Variants in VPS13B observed in about 807,000 individuals in gnomAD.
VPS13B encodes intermembrane lipid transfer protein VPS13B.
Under a neutral mutation model 426.4 loss-of-function variants are expected in VPS13B, and 285 were observed. The ratio of observed to expected loss-of-function variants is 0.67; its 90% CI spans 0.61 to 0.74. The LOEUF (loss-of-function observed/expected upper bound fraction) is 0.74. VPS13B is among the 30% of genes least tolerant of loss of function. The pLI is 0.00. For synonymous variants in VPS13B, 1,676 were observed against 1,676.4 expected, an observed-to-expected ratio of 1.00 and a Z score of 0.01; for missense variants, 4,537 against 4,782.6, an observed-to-expected ratio of 0.95 and a Z score of 1.51.
intron 19 of VPS13B, among the ~76,000 whole-genome samples, chr8:99,292,058 A>T (rs1304708812): frequency 6.6e-6 from 1 of 152,146 alleles, no homozygotes; most frequent in Non-Finnish European, 1.5e-5. Flanking sequence ...ACAAATTTTT[A>T]AAATTTGGAT....
At chr8:99,029,107 G>C (rs548616437) in intron 2 of VPS13B, among the ~76,000 whole-genome samples, 1 of 150,410 alleles carries the variant, frequency 6.6e-6, no homozygotes, top group African/African-American at 2.4e-5. Context: ...ACAGGGTTGC[G>C]GCCGGGCAGA....
chr8:99,835,557 T>G lies in VPS13B; in HGVS notation c.9761T>G (p.Val3254Gly). ...ENIKDIPKFE[V>G]YCKKIPSECS... ...ATTTCAGATATTCCAAAGTTTGAGG[T>G]TTATTGCAAAAAAATTCCCTCCGAG... is the stretch of plus-strand genomic sequence containing the variant. Residue 3254 changes from valine to glycine, a missense_variant, in exon 54 of 62, where the codon GTT becomes GGT. Val to Gly is a moderately radical substitution (Grantham distance 109). Around this residue, in one of 2 missense-constraint regions of VPS13B, gnomAD observed 4,311 missense variants for 4,474.3 expected, o/e 0.96. Coordinates refer to ENST00000357162, the MANE Select transcript of VPS13B (RefSeq NM_152564.5). 6.2e-7 allele frequency: 1 copy of G among 1,614,118 alleles called. No individual in the cohort carries two copies. The highest frequency in any genetic ancestry group is 2.2e-5 in the East Asian group (1 of 44,882).
chr8:99,198,788 A>C (rs962588935), intron 17 of VPS13B, among the ~76,000 whole-genome samples: 1 of 152,110 alleles, frequency 6.6e-6, no homozygotes, highest in African/African-American at 2.4e-5. Flanking sequence ...AGAAACCATC[A>C]GCTAAGACAG....
chr8:99,821,103 AACACACACACACACACACACAC>A (rs755074579), intron 49 of VPS13B, among the ~76,000 whole-genome samples, 169 bp from the exon 50 acceptor site: 61 of 78,358 alleles, frequency 7.8e-4, no homozygotes, highest in South Asian at 2.2e-3. Flanking sequence ...GTCATTACAA[AACACACACACACACACACACAC>A]ACACACACAC....
At chr8:99,850,380 C>A (rs1012192149) in intron 55 of VPS13B, among the ~76,000 whole-genome samples, 2 of 148,456 alleles carry the variant, frequency 1.3e-5, no homozygotes, top group Admixed American at 1.3e-4. Flanking sequence ...TGTACTTATA[C>A]ATACATACAT....
At chr8:99,108,425 C>G (rs1162902243) in intron 5 of VPS13B, among the ~76,000 whole-genome samples, 1 of 152,092 alleles carries the variant, frequency 6.6e-6, no homozygotes, top group African/African-American at 2.4e-5. Context: ...ACATTTAAGT[C>G]TTTAATCTAT....
intron 33 of VPS13B, among the ~76,000 whole-genome samples, chr8:99,590,551 G>C (rs550706513): frequency 2.5e-4 from 38 of 152,260 alleles, no homozygotes; most frequent in Admixed American, 2.2e-3. Context: ...GTTCTCATTG[G>C]TTTCAAAGAA....
chr8:99,262,646 C>T (rs1818104367), intron 17 of VPS13B, among the ~76,000 whole-genome samples: 1 of 152,120 alleles, frequency 6.6e-6, no homozygotes, highest in Non-Finnish European at 1.5e-5. Flanking sequence ...CTCTTTAATG[C>T]ATCTTTTAAA....
chr8:99,468,470 A>T (rs903075736), intron 24 of VPS13B, among the ~76,000 whole-genome samples: 2 of 151,732 alleles, frequency 1.3e-5, no homozygotes, highest in Non-Finnish European at 2.9e-5. Flanking sequence ...ATTAAAAAAA[A>T]TTTAAATATT....
At chr8:99,562,125 A>G (rs979023200) in intron 31 of VPS13B, among the ~76,000 whole-genome samples, 3 of 152,128 alleles carry the variant, frequency 2.0e-5, no homozygotes, top group African/African-American at 7.2e-5. Context: ...TTGGTAAGCT[A>G]ACACATCATC....
chr8:99,602,224 A>C (rs1240403909), intron 33 of VPS13B, among the ~76,000 whole-genome samples: 2 of 152,202 alleles, frequency 1.3e-5, no homozygotes, highest in Admixed American at 1.3e-4. Flanking sequence ...GTGGCTAGCC[A>C]GTTTTCCCAA....
rs117043783 is a variant in VPS13B, at chr8:99,661,582, G to A, written c.6046+91G>A. Reference sequence around the variant, plus strand: ...GATCTGTTAGTAATCTTGACATTCCGTGCAAAAAATGAATAGTTCATTTTT... The same window carrying A: ...GATCTGTTAGTAATCTTGACATTCCATGCAAAAAATGAATAGTTCATTTTT... On this transcript the variant is annotated intron_variant, in intron 35 of 61. Transcript: ENST00000357162. The A allele has an allele frequency of 4.6e-4, 689 of 1,491,462 alleles. 1 individual carries two copies. The highest frequency in any genetic ancestry group is 2.9e-3 in the East Asian group (124 of 42,260). 92.4% of individuals were successfully genotyped at this position (1,491,462 alleles called of 1,614,324 possible).
In VPS13B at chr8:99,614,963, C is replaced by T. The variant is rs568314388; in HGVS notation, c.5221-26848C>T. Among the ~76,000 whole-genome samples, 4 of 151,752 alleles carry T rather than the reference C, an allele frequency of 2.6e-5. No homozygotes were observed. The East Asian group carries it at 5.9e-4, about 22-fold the overall frequency. On this transcript the variant is annotated intron_variant, in intron 33 of 61. Transcript: ENST00000357162. ...AGAAACCCCGTCTCTACTAAAAATACACAATTAGCCAGGCGTGGCGGCACA... is the reference window on the plus strand; with the variant it reads ...AGAAACCCCGTCTCTACTAAAAATATACAATTAGCCAGGCGTGGCGGCACA...
chr8:99,206,497 C>T (rs1003826566), intron 17 of VPS13B, among the ~76,000 whole-genome samples: 1 of 152,158 alleles, frequency 6.6e-6, no homozygotes, highest in Non-Finnish European at 1.5e-5. Context: ...TATTTTCCAA[C>T]TCATTAGGAT....
At chr8:99,756,324 A>T (rs1365993534) in intron 39 of VPS13B, among the ~76,000 whole-genome samples, 1 of 152,178 alleles carries the variant, frequency 6.6e-6, no homozygotes, top group Non-Finnish European at 1.5e-5. Context: ...AGAAAATTTT[A>T]AAAAATGAAG....
At chr8:99,690,348 C>T (rs1048791109) in intron 35 of VPS13B, among the ~76,000 whole-genome samples, 1 of 152,128 alleles carries the variant, frequency 6.6e-6, no homozygotes, top group Non-Finnish European at 1.5e-5. Flanking sequence ...AACTGTAAAA[C>T]TCTTAAAAGA....
chr8:99,741,752 A>C (rs1215253711), intron 39 of VPS13B, among the ~76,000 whole-genome samples: 1 of 152,344 alleles, frequency 6.6e-6, no homozygotes, highest in South Asian at 2.1e-4. Flanking sequence ...TGAAGGCAGA[A>C]ATAAAGATGT....
chr8:99,643,825 A>G (rs1829467865), intron 34 of VPS13B, among the ~76,000 whole-genome samples: 1 of 152,106 alleles, frequency 6.6e-6, no homozygotes, highest in South Asian at 2.1e-4. Flanking sequence ...ATATATTCTC[A>G]TTTACTGGGT....
chr8:99,511,119 C>T lies in VPS13B; in HGVS notation c.4240C>T (p.Leu1414=), dbSNP rs754939057. The stretch of plus-strand genomic sequence containing the variant: ...TTTGGAACAGACAACTACAAAACTT[C>T]TAGATGGCACTCATCAGCAGCATGG... The part of the protein sequence containing the change: ...KEKSVTTTKL[L]DGTHQQHGFL... Residue 1414 remains leucine (L), a synonymous_variant, in exon 29 of 62, where the codon CTA becomes TTA. Coordinates refer to ENST00000357162, the MANE Select transcript of VPS13B (RefSeq NM_152564.5). 36 of 1,612,900 alleles carry T rather than the reference C, an allele frequency of 2.2e-5. No homozygotes were observed. The Admixed American group carries it at 6.0e-4, about 27-fold the overall frequency.
Sources: allele counts gnomAD v4.1 joint callset (sites outside exome capture counted in the v4.1 genomes callset), GRCh38; gene constraint gnomAD v4.1.1; regional missense constraint gnomAD v4.1.1; transcripts MANE v1.5; gene names NCBI Gene and HGNC (gene_info 2026-07-23, HGNC 2026-07-21).